PRR19: variants seen among roughly 807,000 people sequenced by gnomAD.
PRR19 encodes proline-rich protein 19.
In PRR19, 9 loss-of-function variants were observed where a neutral mutation model predicts 19.2. That is an observed-to-expected ratio of 0.47 (90% CI 0.28 to 0.82). The LOEUF (loss-of-function observed/expected upper bound fraction) is 0.82. Among genes scored for constraint, PRR19 ranks in the 40% least tolerant of loss-of-function variants. The pLI is 0.11. For synonymous variants in PRR19, 190 were observed against 191.0 expected (o/e 0.99, Z 0.04); for missense variants, 457 against 466.0 (o/e 0.98, Z 0.18).
chr19:42,304,336 G>C (rs1371046908), intron 1 of PRR19, among the ~76,000 whole-genome samples: 3 of 151,570 alleles, frequency 2.0e-5, no homozygotes, highest in Non-Finnish European at 2.9e-5. Flanking sequence ...AAGTCTGAGG[G>C]AGCCAGGTGC....
chr19:42,310,610 C>T lies in PRR19; in HGVS notation c.941C>T (p.Ser314Leu), dbSNP rs1411118020. Residue 314 changes from serine to leucine, a missense_variant, in exon 3 of 3, where the codon TCA (serine) becomes TTA (leucine). Ser to Leu is a moderately radical substitution (Grantham distance 145, BLOSUM62 -2). Transcript: ENST00000341747. ...CCTCAGCCCCTGCCTCAGCCTTCATCACCCCTGTTGCCCCGAACCTCTGTC... is the reference window on the plus strand; with the variant it reads ...CCTCAGCCCCTGCCTCAGCCTTCATTACCCCTGTTGCCCCGAACCTCTGTC... ...GLPQPLPQPS[S>L]PLLPRTSVLD... 1.2e-6 allele frequency: 2 copies of T among 1,614,058 alleles called. No homozygotes were observed. Among genetic ancestry groups the T allele is most frequent in the East Asian group, 2.2e-5 (1 of 44,888 alleles).
At chr19:42,304,608 G>A (rs1236784424) in intron 1 of PRR19, among the ~76,000 whole-genome samples, 1 of 151,802 alleles carries the variant, frequency 6.6e-6, no homozygotes, top group Non-Finnish European at 1.5e-5. Context: ...AAATTAGCGG[G>A]GCGTGGTGGC....
rs1236599929 is a variant in PRR19, at chr19:42,310,426, G to A, written c.757G>A (p.Gly253Arg). The A allele has an allele frequency of 6.2e-7, 1 of 1,614,064 alleles. No homozygotes were observed. The highest frequency in any genetic ancestry group is 2.2e-5 in the East Asian group (1 of 44,894). ...YTSSMPTAHRGSLAPPRGPWP... is the reference protein window; with the variant it reads ...YTSSMPTAHRRSLAPPRGPWP... Reference sequence around the variant, plus strand: ...CTCCAGCATGCCCACTGCGCACAGGGGGAGTCTGGCACCGCCAAGAGGTCC... The same window carrying A: ...CTCCAGCATGCCCACTGCGCACAGGAGGAGTCTGGCACCGCCAAGAGGTCC... The change falls in exon 3 of 3, where the codon GGG (glycine) becomes AGG (arginine). Residue 253 changes from glycine to arginine, a missense_variant. By Grantham distance (125) the Gly-to-Arg change is moderately radical. Transcript: ENST00000341747.
chr19:42,303,062 T>C (rs907037675), intron 1 of PRR19, among the ~76,000 whole-genome samples: 16 of 115,122 alleles, frequency 1.4e-4, no homozygotes, highest in Admixed American at 9.4e-4. Context: ...CAAAACACCG[T>C]GGGTGTGTGT....
At chr19:42,304,749 CA>C (rs934766288) in intron 1 of PRR19, among the ~76,000 whole-genome samples, 247 of 36,818 alleles carry the variant, frequency 6.7e-3, no homozygotes, top group Middle Eastern at 0.014. Context: ...GACGCCGTCT[CA>C]AAAAAAAAAA....
At position 42,309,537 on chromosome 19, in the gene PRR19, A is replaced by G. The variant is rs851614; in HGVS notation, c.-6-42A>G. The G allele has an allele frequency of 2.3e-3, 3,273 of 1,448,236 alleles. 72 individuals carry two copies. In the African/African-American group the frequency reaches 0.042, roughly 19 times the overall value. The allele number at this position is 1,448,236 out of a possible 1,614,324, so 89.7% of individuals were successfully genotyped here. On this transcript the variant is annotated intron_variant, in intron 1 of 2. Transcript: ENST00000341747. Reference sequence around the variant, plus strand: ...CCTATTCACTTTGCTACTCCCCTTGACTTATCTGCATGCTGATGGCCACCC... The same window carrying G: ...CCTATTCACTTTGCTACTCCCCTTGGCTTATCTGCATGCTGATGGCCACCC...
chr19:42,310,014 G>C lies in PRR19; in HGVS notation c.430G>C (p.Val144Leu). Residue 144 changes from valine (V) to leucine (L), a missense_variant, in exon 2 of 3, where the codon GTG becomes CTG. Physicochemically the swap from Val to Leu is conservative, Grantham distance 32. Transcript: ENST00000341747. The part of the protein sequence containing the change: ...GPPSSPELSG[V>L]GQLLAELQCQ... ...ACCCAGTTCCCCAGAGTTGTCTGGCGTGGGGCAGCTGCTGGCAGAGCTGCA... is the reference window on the plus strand; with the variant it reads ...ACCCAGTTCCCCAGAGTTGTCTGGCCTGGGGCAGCTGCTGGCAGAGCTGCA... The C allele has an allele frequency of 6.2e-7, 1 of 1,614,048 alleles. No individual in the cohort carries two copies. Among genetic ancestry groups the C allele is most frequent in the Non-Finnish European group, 8.5e-7 (1 of 1,180,038 alleles).
chr19:42,304,442 G>T (rs1227702382), intron 1 of PRR19, among the ~76,000 whole-genome samples: 4 of 140,200 alleles, frequency 2.9e-5, no homozygotes, highest in African/African-American at 1.1e-4. Context: ...AACACAGTGA[G>T]ACCCTGTCTA....
intron 1 of PRR19, among the ~76,000 whole-genome samples, chr19:42,303,064 GGTGTGTGTGTGTGTGTGT>G (rs59660057): frequency 4.5e-5 from 6 of 133,964 alleles, no homozygotes; most frequent in African/African-American, 1.4e-4. Flanking sequence ...AAACACCGTG[GGTGTGTGTGTGTGTGTGT>G]GTGTGTGTGT....
chr19:42,302,603 G>C (rs930422630), intron 1 of PRR19, 100 bp downstream of exon 1: 18 of 391,602 alleles, frequency 4.6e-5, no homozygotes, highest in Non-Finnish European at 6.5e-5. Context: ...CCGCGCACCC[G>C]GCACGGGGTG....
At position 42,309,839 on chromosome 19, in the gene PRR19, T is replaced by C. The variant is rs2147402247; in HGVS notation, c.255T>C (p.Asp85=). ...TCAACCACGAGGTGAAATCCCTAGA[T>C]GTTGCAAGGCTGCTTAGCAGTGGGA... ...GLFNHEVKSL[D]VARLLSSGTL... Residue 85 remains aspartate (D), a synonymous_variant, in exon 2 of 3, where the codon GAT becomes GAC. Transcript: ENST00000341747. The C allele has an allele frequency of 3.1e-6, 5 of 1,614,094 alleles. No homozygotes were observed. Among genetic ancestry groups the C allele is most frequent in the Middle Eastern group, 3.3e-4 (2 of 6,062 alleles).
rs777438364 is a variant in PRR19 at position 42,309,842 on chromosome 19, T to C, written c.258T>C (p.Val86=). ...LFNHEVKSLD[V]ARLLSSGTLV... is the part of the protein sequence containing the mutation. ...ACCACGAGGTGAAATCCCTAGATGT[T>C]GCAAGGCTGCTTAGCAGTGGGACCC... The change falls in exon 2 of 3, where the codon GTT becomes GTC. Residue 86 remains valine (V), a synonymous_variant. Transcript: ENST00000341747. The C allele has an allele frequency of 1.8e-5, 29 of 1,614,096 alleles. No homozygotes were observed. In the Admixed American group the frequency reaches 4.8e-4, roughly 27 times the overall value.
intron 1 of PRR19, among the ~76,000 whole-genome samples, chr19:42,304,491 G>A (rs1412766491): frequency 3.4e-5 from 5 of 149,152 alleles, no homozygotes; most frequent in African/African-American, 7.4e-5. Flanking sequence ...GGTGGCTCAC[G>A]CCTGTAATCC....
At position 42,302,193 on chromosome 19, in the gene PRR19, GC is replaced by G; in HGVS notation, c.-312del. 1.3e-6 allele frequency: 2 copies of G among 1,545,062 alleles called. No individual in the cohort carries two copies. Reference sequence around the variant, plus strand: ...GCCGTTCTCCTGAGCCACCCCCCGCGCCCCCGGACTCCTCAATATCCCAGGT... The same window carrying G: ...GCCGTTCTCCTGAGCCACCCCCCGCGCCCCGGACTCCTCAATATCCCAGGT... On this transcript the variant is annotated 5_prime_UTR_variant, in exon 1 of 3. Coordinates refer to ENST00000341747, the MANE Select transcript of PRR19 (RefSeq NM_199285.3).
intron 1 of PRR19, 32 bp from the exon 2 acceptor site, chr19:42,309,547 A>C: frequency 6.7e-7 from 1 of 1,485,784 alleles, no homozygotes; most frequent in Non-Finnish European, 9.0e-7. Context: ...ACTTATCTGC[A>C]TGCTGATGGC....
At position 42,310,158 on chromosome 19, in the gene PRR19, C is replaced by T. The variant is rs2038772485; in HGVS notation, c.574C>T (p.Leu192Phe). 1.2e-6 allele frequency: 2 copies of T among 1,613,958 alleles called. No individual in the cohort carries two copies. The highest frequency in any genetic ancestry group is 8.5e-7 in the Non-Finnish European group (1 of 1,180,030). ...HGCVPDLALV[L>F]RGCQPPLPGA... ...TTGTGTGCCTGACCTTGCCCTGGTG[C>T]TTCGGGGCTGCCAGCCACCCTTGCC... Residue 192 changes from leucine (L) to phenylalanine (F), a missense_variant, in exon 2 of 3, where the codon CTT (leucine) becomes TTT (phenylalanine). Leu to Phe is a conservative substitution (Grantham distance 22). Coordinates refer to ENST00000341747, the MANE Select transcript of PRR19 (RefSeq NM_199285.3).
At chr19:42,307,882 C>T (rs987394304) in intron 1 of PRR19, among the ~76,000 whole-genome samples, 73 of 151,116 alleles carry the variant, frequency 4.8e-4, no homozygotes, top group African/African-American at 1.7e-3. Flanking sequence ...CTCAGCCTCC[C>T]GAGTAGCTGG....
chr19:42,305,229 G>GAAAAGGAAAGAAAA (rs2038695124), intron 1 of PRR19, among the ~76,000 whole-genome samples: 1 of 151,264 alleles, frequency 6.6e-6, no homozygotes, highest in Non-Finnish European at 1.5e-5. Flanking sequence ...GGAAAGAAAA[G>GAAAAGGAAAGAAAA]AAAAGAAAAG....
At position 42,310,285 on chromosome 19, in the gene PRR19, GTC is replaced by G; in HGVS notation, c.620_621del (p.Ser207Ter). On this transcript the variant is annotated frameshift_variant, in exon 3 of 3. Coordinates refer to ENST00000341747, the MANE Select transcript of PRR19 (RefSeq NM_199285.3). LOFTEE classifies it low-confidence loss of function (END_TRUNC). ...CTCTGTGCCAGGGGCCAAGCCTGGGGTCTCTGAGAGAAAGATGACACCCTTCT... is the reference window on the plus strand; with the variant it reads ...CTCTGTGCCAGGGGCCAAGCCTGGGGTCTGAGAGAAAGATGACACCCTTCT... ...QPPLPGAKPG[V>X]SERKMTPFWI... The G allele has an allele frequency of 2.5e-6, 4 of 1,614,142 alleles. No homozygotes were observed. The highest frequency in any genetic ancestry group is 3.4e-6 in the Non-Finnish European group (4 of 1,180,022).
Sources: allele counts gnomAD v4.1 joint callset (sites outside exome capture counted in the v4.1 genomes callset), GRCh38; gene constraint gnomAD v4.1.1; transcripts MANE v1.5; gene names NCBI Gene and HGNC (gene_info 2026-07-23, HGNC 2026-07-21).